Variants in DGKD observed in about 807,000 individuals in gnomAD.
DGKD encodes diacylglycerol kinase delta, also known as DAG kinase delta.
A neutral mutation model predicts 154.4 loss-of-function variants in DGKD; 68 were observed. The observed-to-expected ratio is 0.44, with a 90% CI of 0.36 to 0.54. The LOEUF (loss-of-function observed/expected upper bound fraction) is 0.54. Among genes scored for constraint, DGKD ranks in the 20% least tolerant of loss-of-function variants. The pLI is 0.00. For synonymous variants in DGKD, 693 were observed against 638.0 expected (o/e 1.09, Z -1.30); for missense variants, 1,343 against 1,593.6 (o/e 0.84, Z 2.68).
Position 233,458,871 on chromosome 2 carries a change from G to T in DGKD, c.2694+474G>T, listed in dbSNP as rs1359868809. ...GGCCTCCCAAAGTGTTGGGATTACA[G>T]GTGTGAGCCACTGCACCCGGCCAAG... On this transcript the variant is annotated intron_variant, in intron 22 of 29. Coordinates refer to ENST00000264057, the MANE Select transcript of DGKD (RefSeq NM_152879.3). This position sits in a 1 kb window ranked among gnomAD's most constrained non-coding sequence, Gnocchi z 6.6. 1.3e-5 allele frequency among the ~76,000 whole-genome samples: 2 copies of T among 152,144 alleles called. No individual in the cohort carries two copies. The highest frequency in any genetic ancestry group is 2.4e-5 in the African/African-American group (1 of 41,438).
At chr2:233,419,518 TC>T in intron 3 of DGKD, 1 of 868,778 alleles carries the variant, frequency 1.2e-6, no homozygotes, top group Non-Finnish European at 1.4e-6. Flanking sequence ...GAATTGAGCT[TC>T]CTTGTAAGAT....
intron 1 of DGKD, among the ~76,000 whole-genome samples, chr2:233,367,065 T>G (rs1261653656): frequency 6.6e-6 from 1 of 152,192 alleles, no homozygotes; most frequent in African/African-American, 2.4e-5. Context: ...TGACCTTCCT[T>G]TTGGGAACCA....
intron 1 of DGKD, among the ~76,000 whole-genome samples, chr2:233,375,656 T>A (rs1321875789): frequency 6.6e-6 from 1 of 152,120 alleles, no homozygotes; most frequent in Non-Finnish European, 1.5e-5. Flanking sequence ...AGCACCAGCT[T>A]CAGGCCTCTG....
chr2:233,386,158 T>C (rs545811539), intron 1 of DGKD: 253 of 306,280 alleles, frequency 8.3e-4, no homozygotes, highest in Non-Finnish European at 1.4e-3. Context: ...GTTGGTTTTG[T>C]CTTTTTTTTT....
chr2:233,419,326 A>G (rs1285685639), intron 3 of DGKD: 9 of 985,432 alleles, frequency 9.1e-6, no homozygotes, highest in Non-Finnish European at 1.1e-5. Flanking sequence ...GCTCTTGCCC[A>G]TTGACTTTAA....
At position 233,386,333 on chromosome 2, in the gene DGKD, A is replaced by G. The variant is rs1362472685; in HGVS notation, c.157-1924A>G. On this transcript the variant is annotated intron_variant, in intron 1 of 29. Coordinates refer to ENST00000264057, the MANE Select transcript of DGKD (RefSeq NM_152879.3). ...TTCCATGGATGGCATTGTTCTGTGCAGATGTATTTGAAATGAGTTTCATCC... is the reference window on the plus strand; with the variant it reads ...TTCCATGGATGGCATTGTTCTGTGCGGATGTATTTGAAATGAGTTTCATCC... 2.2e-5 allele frequency: 4 copies of G among 183,754 alleles called. No individual in the cohort carries two copies. The Admixed American group carries it at 2.2e-4, about 10-fold the overall frequency. The allele number at this position is 183,754 out of a possible 1,614,324, so 11.4% of individuals were successfully genotyped here. A position where few individuals can be genotyped will look rare whatever the true frequency, so the allele number is the denominator to read the frequency against.
intron 24 of DGKD, among the ~76,000 whole-genome samples, chr2:233,461,524 C>T (rs1270801333): frequency 3.9e-5 from 6 of 152,188 alleles, no homozygotes; most frequent in East Asian, 3.8e-4. Flanking sequence ...GGTGCCACTG[C>T]GGCCCCTGTC....
chr2:233,432,458 G>A (rs1405226555), intron 3 of DGKD, among the ~76,000 whole-genome samples: 1 of 151,080 alleles, frequency 6.6e-6, no homozygotes, highest in East Asian at 2.0e-4. Flanking sequence ...AGGAGATCGT[G>A]ACCATCCTGG....
chr2:233,369,027 T>A (rs960958257), intron 1 of DGKD, among the ~76,000 whole-genome samples: 2 of 152,250 alleles, frequency 1.3e-5, no homozygotes, highest in Non-Finnish European at 2.9e-5. Context: ...GGTCTTTGTT[T>A]TCCTTTTTTG....
chr2:233,437,630 A>G, intron 8 of DGKD, 151 bp downstream of exon 8: 1 of 769,408 alleles, frequency 1.3e-6, no homozygotes, highest in Non-Finnish European at 2.2e-6. Flanking sequence ...GGAGTTGCAC[A>G]GAGCGGCACA....
At position 233,390,568 on chromosome 2, in the gene DGKD, A is replaced by G. The variant is rs924767002; in HGVS notation, c.348+85A>G. The G allele has an allele frequency of 1.2e-5, 12 of 983,332 alleles. No individual in the cohort carries two copies. The Admixed American group carries it at 2.4e-4, about 20-fold the overall frequency. The allele number at this position is 983,332 out of a possible 1,614,324, so 60.9% of individuals were successfully genotyped here. A position where few individuals can be genotyped will look rare whatever the true frequency, so the allele number is the denominator to read the frequency against. ...TCTGAACATGTGTCCAAGCAGTTCA[A>G]ACGTTTTCATTCTTTTCTTACTGAT... On this transcript the variant is annotated intron_variant, in intron 3 of 29. Transcript: ENST00000264057.
intron 2 of DGKD, among the ~76,000 whole-genome samples, chr2:233,389,627 CG>C (rs1173073015): frequency 3.7e-4 from 55 of 150,268 alleles, no homozygotes; most frequent in African/African-American, 1.3e-3. Flanking sequence ...TCTGGTGGTG[CG>C]GGGAGGGGAA....
At chr2:233,403,023 AG>A (rs978893861) in intron 3 of DGKD, among the ~76,000 whole-genome samples, 52 of 151,904 alleles carry the variant, frequency 3.4e-4, no homozygotes, top group Non-Finnish European at 2.5e-4. Context: ...TTGGGAGGGG[AG>A]GTAAGCTTCT....
At chr2:233,467,028 G>A in intron 27 of DGKD, 58 bp from the exon 28 acceptor site, 1 of 1,369,948 alleles carries the variant, frequency 7.3e-7, no homozygotes, top group Non-Finnish European at 1.0e-6. Flanking sequence ...GTGGAGATGG[G>A]CATGAGGCCG....
chr2:233,400,778 A>G (rs1414275057), intron 3 of DGKD, among the ~76,000 whole-genome samples: 2 of 152,128 alleles, frequency 1.3e-5, no homozygotes, highest in Non-Finnish European at 2.9e-5. Flanking sequence ...GGAGAGCTAG[A>G]GCTCGACAGG....
chr2:233,419,385 A>C, intron 3 of DGKD: 1 of 985,572 alleles, frequency 1.0e-6, no homozygotes, highest in Non-Finnish European at 1.2e-6. Context: ...ATACACGTGG[A>C]GCAGCTGGAA....
In DGKD at chr2:233,446,733, GGCCAA is replaced by G; in HGVS notation, c.1359_1363del (p.Lys454ProfsTer26). 1 of 1,614,070 alleles carries G rather than the reference GGCCAA, an allele frequency of 6.2e-7. No individual in the cohort carries two copies. Among genetic ancestry groups the G allele is most frequent in the South Asian group, 1.1e-5 (1 of 91,080 alleles). The stretch of plus-strand genomic sequence containing the variant: ...GCAGGTGGAGCGTCATGGCATACGA[GGCCAA>G]GCTCCCCCGGCAGGCCTCCTCCTCT... On this transcript the variant is annotated frameshift_variant, in exon 12 of 30. Transcript: ENST00000264057. LOFTEE classifies it high-confidence loss of function.
intron 3 of DGKD, among the ~76,000 whole-genome samples, chr2:233,416,857 C>T (rs1290984434): frequency 6.6e-6 from 1 of 152,158 alleles, no homozygotes; most frequent in African/African-American, 2.4e-5. Flanking sequence ...AGAAGTCCAG[C>T]AGCCCAGCTA....
Position 233,470,289 on chromosome 2 carries a change from G to C in DGKD, c.*829G>C, listed in dbSNP as rs1376798435. 2 of 152,478 alleles carry C rather than the reference G, an allele frequency of 1.3e-5. No individual in the cohort carries two copies. Among genetic ancestry groups the C allele is most frequent in the African/African-American group, 4.8e-5 (2 of 41,466 alleles). 9.4% of individuals were successfully genotyped at this position (152,478 alleles called of 1,614,324 possible). On this transcript the variant is annotated 3_prime_UTR_variant, in exon 30 of 30. Coordinates refer to ENST00000264057, the MANE Select transcript of DGKD (RefSeq NM_152879.3). ...GCATCCCTGCAGACAGAGGATGTGT[G>C]TCCACATGAGTGTTTCTGTGTGGGA...
Sources: allele counts gnomAD v4.1 joint callset (sites outside exome capture counted in the v4.1 genomes callset), GRCh38; gene constraint gnomAD v4.1.1; non-coding constraint Gnocchi (gnomAD v3.1); transcripts MANE v1.5; gene names NCBI Gene and HGNC (gene_info 2026-07-23, HGNC 2026-07-21).